Variants in UBR3 observed in about 807,000 individuals in gnomAD.
UBR3 encodes the protein ubiquitin protein ligase E3 component n-recognin 3.
Under a neutral mutation model 243.2 loss-of-function variants are expected in UBR3, and 85 were observed. That is an observed-to-expected ratio of 0.35 (90% CI 0.29 to 0.42). The LOEUF (loss-of-function observed/expected upper bound fraction) is 0.42. UBR3 is among the 10% of genes least tolerant of loss of function. The pLI, the probability that UBR3 is intolerant of heterozygous loss-of-function variation, is 1.00. For missense variants in UBR3, 1,686 were observed against 2,300.8 expected (o/e 0.73, Z 5.47); for synonymous variants, 748 against 799.8 (o/e 0.94, Z 1.09).
chr2:169,922,524 T>C (rs909143442), intron 11 of UBR3, among the ~76,000 whole-genome samples: 12 of 152,282 alleles, frequency 7.9e-5, no homozygotes, highest in African/African-American at 2.9e-4. Flanking sequence ...TATGTGTATT[T>C]GTATTGTCGT....
chr2:169,893,270 A>G (rs2084444058), intron 6 of UBR3, among the ~76,000 whole-genome samples: 1 of 152,184 alleles, frequency 6.6e-6, no homozygotes, highest in African/African-American at 2.4e-5. Context: ...TGGTATATTC[A>G]GGTTGTTTAA....
At chr2:169,946,534 G>A (rs1000102498) in intron 21 of UBR3, 142 bp downstream of exon 21, 6 of 395,070 alleles carry the variant, frequency 1.5e-5, no homozygotes, top group African/African-American at 2.1e-5. Context: ...ATCTTGAGGT[G>A]TATTTATGTT....
At chr2:169,882,080 T>C (rs1480742757) in intron 5 of UBR3, among the ~76,000 whole-genome samples, 8 of 127,030 alleles carry the variant, frequency 6.3e-5, no homozygotes, top group African/African-American at 2.4e-4. Flanking sequence ...TAATTATATA[T>C]GTATGTATAT....
intron 32 of UBR3, among the ~76,000 whole-genome samples, chr2:170,047,392 C>T (rs1490123001): frequency 1.3e-5 from 2 of 152,058 alleles, no homozygotes; most frequent in Non-Finnish European, 2.9e-5. Flanking sequence ...AAAAATTGTA[C>T]ATATATGTGC....
At position 169,878,423 on chromosome 2, in the gene UBR3, A is replaced by T. The variant is rs191147822; in HGVS notation, c.989-102A>T. 159 of 1,218,780 alleles carry T rather than the reference A, an allele frequency of 1.3e-4. 1 individual carries two copies. The East Asian group carries it at 3.5e-3, about 27-fold the overall frequency. 75.5% of individuals were successfully genotyped at this position (1,218,780 alleles called of 1,614,324 possible). Reference sequence around the variant, plus strand: ...CTGTTAGAATGAGGTGTCCTAACGTAACAAAACTTAGCTTTTTGATATTTG... The same window carrying T: ...CTGTTAGAATGAGGTGTCCTAACGTTACAAAACTTAGCTTTTTGATATTTG... On this transcript the variant is annotated intron_variant, in intron 4 of 38. Coordinates refer to ENST00000272793, the MANE Select transcript of UBR3 (RefSeq NM_172070.4).
intron 31 of UBR3, among the ~76,000 whole-genome samples, chr2:170,030,457 T>G (rs1019416554): frequency 6.6e-6 from 1 of 152,152 alleles, no homozygotes; most frequent in South Asian, 2.1e-4. Context: ...GTGTTCTTAC[T>G]GGTATTTCTG....
chr2:169,987,884 T>C (rs1574346620), intron 25 of UBR3, among the ~76,000 whole-genome samples: 1 of 143,588 alleles, frequency 7.0e-6, no homozygotes, highest in African/African-American at 2.6e-5. Context: ...TGGCCAAATA[T>C]GTTTTTTTCT....
intron 11 of UBR3, among the ~76,000 whole-genome samples, chr2:169,914,741 A>G (rs1335973089): frequency 1.3e-5 from 2 of 152,164 alleles, no homozygotes; most frequent in Non-Finnish European, 2.9e-5. Flanking sequence ...AAGAAAGACC[A>G]TGTTTCAGAC....
intron 30 of UBR3, among the ~76,000 whole-genome samples, chr2:170,015,967 C>G (rs1403435465): frequency 1.3e-5 from 2 of 151,700 alleles, no homozygotes; most frequent in Non-Finnish European, 3.0e-5. Flanking sequence ...AATTAATGTG[C>G]ATAGTAGGAA....
chr2:170,008,581 G>T (rs1470325640), intron 28 of UBR3, among the ~76,000 whole-genome samples: 1 of 152,022 alleles, frequency 6.6e-6, no homozygotes, highest in East Asian at 1.9e-4. Flanking sequence ...GGATTACAGT[G>T]TTACCAGTCA....
intron 30 of UBR3, among the ~76,000 whole-genome samples, chr2:170,026,436 A>G (rs1466387607): frequency 1.3e-5 from 2 of 152,086 alleles, no homozygotes; most frequent in Non-Finnish European, 2.9e-5. Context: ...GATTTATTCT[A>G]TGATTATAAC....
chr2:169,949,346 A>T, intron 22 of UBR3: 1 of 328,370 alleles, frequency 3.0e-6, no homozygotes, highest in Non-Finnish European at 5.5e-6. Context: ...ATACTACTTA[A>T]GCTTTGTCTG....
At chr2:170,030,891 AT>A (rs1247288241) in intron 31 of UBR3, among the ~76,000 whole-genome samples, 1 of 152,058 alleles carries the variant, frequency 6.6e-6, no homozygotes, top group African/African-American at 2.4e-5. Context: ...ATTCCCATCC[AT>A]TTGCATTTCT....
chr2:170,055,711 C>A, intron 33 of UBR3, 127 bp downstream of exon 33: 1 of 1,193,084 alleles, frequency 8.4e-7, no homozygotes, highest in Non-Finnish European at 1.1e-6. Context: ...TGAGCACCTA[C>A]AGGCTAAAAA....
chr2:169,836,061 ATATATATTTTTTTTTTTTT>A (rs2082097751), intron 1 of UBR3, among the ~76,000 whole-genome samples: 4 of 33,990 alleles, frequency 1.2e-4, no homozygotes, highest in South Asian at 1.1e-3. Flanking sequence ...ATATATATAT[ATATATATTTTTTTTTTTTT>A]TTTTTTTTTT....
At position 169,942,600 on chromosome 2, in the gene UBR3, C is replaced by CCTG; in HGVS notation, c.2771_2772insCTG (p.Thr924_Leu925insCys). The CCTG allele has an allele frequency of 6.5e-7, 1 of 1,549,664 alleles. No individual in the cohort carries two copies. Among genetic ancestry groups the CCTG allele is most frequent in the South Asian group, 1.2e-5 (1 of 83,762 alleles). The stretch of plus-strand genomic sequence containing the variant: ...CTTATGAGACTTTTGCACTGTAAAA[C>CCTG]TTTACACATTGTGCTATTCACTCTG... On this transcript the variant is annotated inframe_insertion, in exon 20 of 39. Transcript: ENST00000272793.
At chr2:169,861,629 AAAAG>A (rs2083096082) in intron 1 of UBR3, among the ~76,000 whole-genome samples, 1 of 151,720 alleles carries the variant, frequency 6.6e-6, no homozygotes, top group Admixed American at 6.6e-5. Context: ...AAAGAAAAGA[AAAAG>A]AAAAGCCCAT....
chr2:169,920,921 G>A (rs576521920), intron 11 of UBR3, among the ~76,000 whole-genome samples: 2 of 152,280 alleles, frequency 1.3e-5, no homozygotes, highest in South Asian at 4.2e-4. Context: ...ACCACAAAAG[G>A]TGTTTTATGC....
chr2:169,949,780 A>G lies in UBR3; in HGVS notation c.3260A>G (p.Glu1087Gly), dbSNP rs2086934689. 6.4e-7 allele frequency: 1 copy of G among 1,551,618 alleles called. No homozygotes were observed. The highest frequency in any genetic ancestry group is 1.2e-5 in the South Asian group (1 of 84,078). Reference sequence around the variant, plus strand: ...ACTACAGCCATTTTGGAAATTAAAGAAAGCATATTGTCTTTGCTAATTAAA... The same window carrying G: ...ACTACAGCCATTTTGGAAATTAAAGGAAGCATATTGTCTTTGCTAATTAAA... ...QLTTAILEIK[E>G]SILSLLIKLH... Residue 1087 changes from glutamate (E) to glycine (G), a missense_variant, in exon 23 of 39, where the codon GAA becomes GGA. Physicochemically the swap from Glu to Gly is moderately conservative, Grantham distance 98. Around this residue, in one of 8 missense-constraint regions of UBR3, gnomAD observed 300 missense variants for 314.4 expected, o/e 0.95. Coordinates refer to ENST00000272793, the MANE Select transcript of UBR3 (RefSeq NM_172070.4).
Sources: gnomAD v4.1 joint callset for allele counts (sites outside exome capture counted in the v4.1 genomes callset) on GRCh38, gnomAD v4.1.1 for gene constraint, gnomAD v4.1.1 regional missense constraint, MANE v1.5 for transcripts, NCBI Gene and HGNC (gene_info 2026-07-23, HGNC 2026-07-21) for gene names.